Variants in KATNAL2 observed in about 807,000 individuals in gnomAD.
The protein encoded by KATNAL2 is katanin catalytic subunit A1 like 2.
In KATNAL2, 52 loss-of-function variants were observed where a neutral mutation model predicts 76.3. The ratio of observed to expected loss-of-function variants is 0.68; its 90% CI spans 0.55 to 0.86. The LOEUF (loss-of-function observed/expected upper bound fraction) is 0.86, where lower values mean the gene tolerates loss of function less well. Ranked by LOEUF, KATNAL2 falls within the 40% of genes least tolerant of loss-of-function variation. KATNAL2 has a pLI of 0.00. For missense variants in KATNAL2, 660 were observed against 668.9 expected (o/e 0.99, Z 0.15); for synonymous variants, 243 against 244.2 (o/e 1.00, Z 0.05).
At chr18:46,929,310 G>A (rs184202622) in intron 1 of KATNAL2, among the ~76,000 whole-genome samples, 6 of 151,198 alleles carry the variant, frequency 4.0e-5, no homozygotes, top group South Asian at 2.1e-4. Flanking sequence ...TGGCATGATC[G>A]CAGCTCACTG....
intron 3 of KATNAL2, among the ~76,000 whole-genome samples, chr18:46,951,457 G>T (rs2059552588): frequency 6.8e-6 from 1 of 146,678 alleles, no homozygotes; most frequent in Non-Finnish European, 1.5e-5. Flanking sequence ...GGATCTCTGA[G>T]ATTCTCCTGC....
In KATNAL2 at chr18:46,930,017, C is replaced by T. The variant is rs1336486686; in HGVS notation, c.-510+12091C>T. Reference sequence around the variant, plus strand: ...CTCGAACACTTGACATCAGGTGATCCGCCCTCGTCGACCCCCAAAGTGCTG... The same window carrying T: ...CTCGAACACTTGACATCAGGTGATCTGCCCTCGTCGACCCCCAAAGTGCTG... On this transcript the variant is annotated intron_variant, in intron 1 of 17. Coordinates refer to ENST00000683218, the MANE Select transcript of KATNAL2 (RefSeq NM_001387690.1). 5.3e-5 allele frequency among the ~76,000 whole-genome samples: 8 copies of T among 151,968 alleles called. No individual in the cohort carries two copies. In the East Asian group the frequency reaches 7.7e-4, roughly 15 times the overall value.
At chr18:47,059,266 G>A (rs749142840) in intron 7 of KATNAL2, among the ~76,000 whole-genome samples, 36 of 152,306 alleles carry the variant, frequency 2.4e-4, no homozygotes, top group Admixed American at 3.9e-4. Flanking sequence ...ACGAGCCAGC[G>A]AATGGGGATG....
chr18:46,943,643 A>T (rs2059308687), intron 1 of KATNAL2, among the ~76,000 whole-genome samples: 1 of 152,278 alleles, frequency 6.6e-6, no homozygotes, highest in Non-Finnish European at 1.5e-5. Context: ...ATGGGCAACC[A>T]GCAGCCATCA....
intron 15 of KATNAL2, among the ~76,000 whole-genome samples, chr18:47,086,756 A>G (rs1173967920): frequency 2.0e-5 from 3 of 152,272 alleles, no homozygotes; most frequent in African/African-American, 7.2e-5. Flanking sequence ...GGTAAAACCC[A>G]TATGACGAGG....
At chr18:47,081,719 T>A (rs1039886551) in intron 15 of KATNAL2, among the ~76,000 whole-genome samples, 1 of 152,200 alleles carries the variant, frequency 6.6e-6, no homozygotes, top group East Asian at 1.9e-4. Context: ...CCCCTACTGT[T>A]AGGTGTGGTC....
chr18:46,949,816 G>C (rs149834489), intron 3 of KATNAL2, among the ~76,000 whole-genome samples: 2 of 152,252 alleles, frequency 1.3e-5, no homozygotes, highest in African/African-American at 2.4e-5. Context: ...TCCATGCCCT[G>C]TCACTGGAAC....
At chr18:47,056,662 C>T (rs1195436921) in intron 6 of KATNAL2, among the ~76,000 whole-genome samples, 2 of 152,164 alleles carry the variant, frequency 1.3e-5, no homozygotes, top group Non-Finnish European at 2.9e-5. Context: ...AATTGCATTG[C>T]TTTGTACATT....
intron 1 of KATNAL2, among the ~76,000 whole-genome samples, chr18:46,936,094 G>A (rs1313483640): frequency 2.6e-5 from 4 of 152,062 alleles, no homozygotes; most frequent in Non-Finnish European, 5.9e-5. Flanking sequence ...GAACCACAAT[G>A]AGAAACAGAC....
intron 1 of KATNAL2, among the ~76,000 whole-genome samples, chr18:46,924,778 G>A (rs1037514796): frequency 2.0e-5 from 3 of 152,152 alleles, no homozygotes; most frequent in African/African-American, 7.2e-5. Context: ...AGTTCTCCTT[G>A]AAGAGGTGCT....
In KATNAL2 at chr18:46,957,037, C is replaced by CAAAAAAA. The variant is rs71264809; in HGVS notation, c.51+10125_51+10131dup. On this transcript the variant is annotated intron_variant, in intron 3 of 17. Coordinates refer to ENST00000683218, the MANE Select transcript of KATNAL2 (RefSeq NM_001387690.1). ...GGGACACAAGAGCGAAACTCCGTCT[C>CAAAAAAA]AAAAAAAAAAAAAAAAAGAAAAAGA... is the stretch of plus-strand genomic sequence containing the variant. Among the ~76,000 whole-genome samples, 7 of 104,836 alleles carry CAAAAAAA rather than the reference C, an allele frequency of 6.7e-5. No individual in the cohort carries two copies. The East Asian group carries it at 9.1e-4, about 14-fold the overall frequency. 68.8% of individuals were successfully genotyped at this position (104,836 alleles called of 152,430 possible).
Position 47,031,515 on chromosome 18 carries a change from G to T in KATNAL2, c.52-14942G>T, listed in dbSNP as rs138970065. Among the ~76,000 whole-genome samples the T allele has an allele frequency of 3.5e-3, 526 of 152,182 alleles. 1 individual carries two copies. The highest frequency in any genetic ancestry group is 0.01 in the African/African-American group (425 of 41,526). ...AGAATCGGGGAATGGGGATTCGGGT[G>T]TTAAGCCTTTTCTTATAAGTACCCT... On this transcript the variant is annotated intron_variant, in intron 3 of 17. Transcript: ENST00000683218.
At chr18:46,954,301 T>C (rs1422024302) in intron 3 of KATNAL2, among the ~76,000 whole-genome samples, 2 of 150,934 alleles carry the variant, frequency 1.3e-5, no homozygotes, top group Non-Finnish European at 3.0e-5. Flanking sequence ...TATGTTTTCT[T>C]CTCCTTCTTC....
intron 15 of KATNAL2, among the ~76,000 whole-genome samples, chr18:47,089,061 G>C (rs1016939685): frequency 2.0e-5 from 3 of 152,182 alleles, no homozygotes; most frequent in African/African-American, 7.2e-5. Flanking sequence ...GGTGGGCCTT[G>C]ACGCCACCTC....
chr18:47,035,882 C>A (rs1368023459), intron 3 of KATNAL2, among the ~76,000 whole-genome samples: 2 of 152,094 alleles, frequency 1.3e-5, no homozygotes, highest in African/African-American at 4.8e-5. Flanking sequence ...AAAGAAGAAC[C>A]AATACAGGAT....
intron 12 of KATNAL2, 60 bp from the exon 13 acceptor site, chr18:47,069,422 G>T: frequency 7.0e-7 from 1 of 1,435,170 alleles, no homozygotes; most frequent in Non-Finnish European, 9.7e-7. Context: ...ACTGACTTCT[G>T]TCTATAAGCA....
intron 3 of KATNAL2, chr18:47,033,230 C>A (rs753794295): frequency 6.2e-7 from 1 of 1,613,786 alleles, no homozygotes; most frequent in South Asian, 1.1e-5. Flanking sequence ...CTGCTTCCCG[C>A]GGGCTTGGAG....
chr18:46,942,295 A>G (rs1477431507), intron 1 of KATNAL2, among the ~76,000 whole-genome samples: 1 of 152,210 alleles, frequency 6.6e-6, no homozygotes, highest in African/African-American at 2.4e-5. Context: ...TCAGCTGTTA[A>G]GCTCATCCAG....
intron 1 of KATNAL2, among the ~76,000 whole-genome samples, chr18:46,929,212 A>C (rs111850971): frequency 2.0e-5 from 3 of 151,402 alleles, no homozygotes; most frequent in Admixed American, 2.0e-4. Flanking sequence ...AAATTATTTG[A>C]GGTTGACATG....
Sources: gnomAD v4.1 joint callset for allele counts (sites outside exome capture counted in the v4.1 genomes callset) on GRCh38, gnomAD v4.1.1 for gene constraint, MANE v1.5 for transcripts, NCBI Gene and HGNC (gene_info 2026-07-23, HGNC 2026-07-21) for gene names.